ABI1: variants seen among roughly 807,000 people sequenced by gnomAD.
The protein encoded by ABI1 is abl interactor 1.
A neutral mutation model predicts 54.6 loss-of-function variants in ABI1; 14 were observed. That is an observed-to-expected ratio of 0.26 (90% CI 0.17 to 0.40). ABI1 has a LOEUF of 0.40. Ranked by LOEUF, ABI1 falls within the 10% of genes least tolerant of loss-of-function variation. The pLI is 1.00. For missense variants in ABI1, 443 were observed against 598.3 expected, an observed-to-expected ratio of 0.74 and a Z score of 2.71; for synonymous variants, 194 against 209.3, an observed-to-expected ratio of 0.93 and a Z score of 0.63.
chr10:26,805,232 T>C (rs1431674406), intron 2 of ABI1, among the ~76,000 whole-genome samples: 1 of 152,158 alleles, frequency 6.6e-6, no homozygotes, highest in Admixed American at 6.5e-5. Context: ...CTATAGGAAG[T>C]AAAAATCCAT....
chr10:26,758,062 C>T (rs1838550974), intron 8 of ABI1, among the ~76,000 whole-genome samples: 1 of 92,142 alleles, frequency 1.1e-5, no homozygotes, highest in Admixed American at 1.5e-4. Context: ...GAGTGAAACT[C>T]TGTCTCAAAA....
At chr10:26,822,667 C>T (rs1468751601) in intron 2 of ABI1, among the ~76,000 whole-genome samples, 1 of 151,934 alleles carries the variant, frequency 6.6e-6, no homozygotes, top group East Asian at 1.9e-4. Flanking sequence ...AAACTAATCT[C>T]TAGGGACAGA....
intron 1 of ABI1, among the ~76,000 whole-genome samples, chr10:26,825,878 G>A (rs1328184386): frequency 6.6e-6 from 1 of 152,120 alleles, no homozygotes. Flanking sequence ...TGAGATTGCA[G>A]CCACTTCTTC....
intron 3 of ABI1, among the ~76,000 whole-genome samples, chr10:26,773,029 T>C (rs1230388468): frequency 2.0e-5 from 3 of 152,024 alleles, no homozygotes; most frequent in Admixed American, 6.6e-5. Flanking sequence ...GATTGAGCTA[T>C]TGCACTTCAG....
At chr10:26,797,310 T>C (rs534965420) in intron 2 of ABI1, among the ~76,000 whole-genome samples, 1 of 152,322 alleles carries the variant, frequency 6.6e-6, no homozygotes, top group Non-Finnish European at 1.5e-5. Context: ...GAGGTTGTTA[T>C]AAGAATGAAT....
intron 2 of ABI1, among the ~76,000 whole-genome samples, chr10:26,798,510 T>C (rs2046345852): frequency 2.0e-5 from 3 of 152,178 alleles, no homozygotes; most frequent in South Asian, 4.1e-4. Context: ...GCTCCCCTAG[T>C]GCTTCTAGAA....
chr10:26,835,107 A>G (rs1227167048), intron 1 of ABI1, among the ~76,000 whole-genome samples: 1 of 97,392 alleles, frequency 1.0e-5, no homozygotes, highest in Non-Finnish European at 2.0e-5. Context: ...AAAAAAAAAA[A>G]AAAAAAAACC....
At chr10:26,855,879 G>A (rs1259107861) in intron 1 of ABI1, among the ~76,000 whole-genome samples, 1 of 147,634 alleles carries the variant, frequency 6.8e-6, no homozygotes, top group Non-Finnish European at 1.5e-5. Flanking sequence ...GCTGGGGTAG[G>A]AAAATCACTT....
chr10:26,756,465 G>C (rs1028090022), intron 8 of ABI1, among the ~76,000 whole-genome samples: 1 of 152,076 alleles, frequency 6.6e-6, no homozygotes, highest in Admixed American at 6.5e-5. Context: ...TTTCATCACT[G>C]TTCTGAAAAA....
In ABI1 at chr10:26,769,458, C is replaced by A. The variant is rs551822458; in HGVS notation, c.579-466G>T. Among the ~76,000 whole-genome samples, 7 of 152,042 alleles carry A rather than the reference C, an allele frequency of 4.6e-5. No homozygotes were observed. In the East Asian group the frequency reaches 7.7e-4, roughly 17 times the overall value. On this transcript the variant is annotated intron_variant, in intron 5 of 10. Coordinates refer to ENST00000376140, the MANE Select transcript of ABI1 (RefSeq NM_001012750.3). Reference sequence around the variant, plus strand: ...TTCTCAATAAATGATTTCGACTATTCTGTTTAATAACTTCATTTTTTTTTT... The same window carrying A: ...TTCTCAATAAATGATTTCGACTATTATGTTTAATAACTTCATTTTTTTTTT...
At chr10:26,792,031 T>C (rs1197950596) in intron 2 of ABI1, among the ~76,000 whole-genome samples, 2 of 152,180 alleles carry the variant, frequency 1.3e-5, no homozygotes, top group Non-Finnish European at 2.9e-5. Context: ...ATGAATCCAT[T>C]GTTATAAGCC....
chr10:26,819,987 C>G, intron 2 of ABI1, among the ~76,000 whole-genome samples: 1 of 152,092 alleles, frequency 6.6e-6, no homozygotes, highest in Non-Finnish European at 1.5e-5. Flanking sequence ...AAAATCAAAG[C>G]TCACTGAAGC....
intron 8 of ABI1, among the ~76,000 whole-genome samples, chr10:26,756,582 G>C (rs952762202): frequency 1.3e-5 from 2 of 152,058 alleles, no homozygotes; most frequent in Non-Finnish European, 2.9e-5. Flanking sequence ...TTGTGGAGAT[G>C]ACATAATTGA....
intron 2 of ABI1, among the ~76,000 whole-genome samples, chr10:26,818,104 A>G (rs534577200): frequency 2.1e-4 from 28 of 131,136 alleles, no homozygotes; most frequent in African/African-American, 7.6e-4. Context: ...GGTTGCAGTG[A>G]GCCAAGATGG....
chr10:26,825,968 C>G (rs1588995676), intron 1 of ABI1, among the ~76,000 whole-genome samples: 1 of 152,192 alleles, frequency 6.6e-6, no homozygotes, highest in South Asian at 2.1e-4. Context: ...AAGTCTTGAA[C>G]CCCTCAGCAT....
At chr10:26,842,037 A>ACACTCC (rs1370340933) in intron 1 of ABI1, among the ~76,000 whole-genome samples, 1 of 152,114 alleles carries the variant, frequency 6.6e-6, no homozygotes, top group African/African-American at 2.4e-5. Context: ...GTACCAATCC[A>ACACTCC]CACTCCCACC....
intron 1 of ABI1, among the ~76,000 whole-genome samples, chr10:26,830,140 G>T (rs2182294): frequency 0.18 from 26,973 of 152,142 alleles, 2,545 homozygotes; most frequent in Admixed American, 0.22. Context: ...GTGTTCTATT[G>T]TATGGATGTA....
intron 3 of ABI1, chr10:26,776,580 G>A (rs1260931526): frequency 6.7e-6 from 1 of 150,140 alleles, no homozygotes; most frequent in African/African-American, 2.5e-5. Flanking sequence ...AATCTGTTGG[G>A]GGTTTTTTTG....
intron 9 of ABI1, among the ~76,000 whole-genome samples, chr10:26,753,916 C>T (rs1045370806): frequency 2.7e-4 from 41 of 152,152 alleles, no homozygotes; most frequent in Admixed American, 4.6e-4. Context: ...TACACTAATA[C>T]TGGATTTCTA....
Sources: allele counts gnomAD v4.1 joint callset (sites outside exome capture counted in the v4.1 genomes callset), GRCh38; gene constraint gnomAD v4.1.1; transcripts MANE v1.5; gene names NCBI Gene and HGNC (gene_info 2026-07-23, HGNC 2026-07-21).